The following FGGY variants were observed in gnomAD, a reference collection of about 807,000 sequenced individuals.
The protein encoded by FGGY is FGGY carbohydrate kinase domain containing, also known as FGGY carbohydrate kinase domain-containing protein.
FGGY carries 72 observed loss-of-function variants against 71.3 expected under a neutral mutation model. The observed-to-expected ratio is 1.01, with a 90% CI of 0.84 to 1.23. FGGY has a LOEUF of 1.23. FGGY is among the 50% of genes most tolerant of loss of function. FGGY has a pLI of 0.00. For missense variants in FGGY, 668 were observed against 682.3 expected, an observed-to-expected ratio of 0.98 and a Z score of 0.23; for synonymous variants, 251 against 250.3, an observed-to-expected ratio of 1.00 and a Z score of -0.02.
intron 14 of FGGY, among the ~76,000 whole-genome samples, chr1:59,722,087 C>A (rs1465538129): frequency 6.6e-6 from 1 of 152,152 alleles, no homozygotes; most frequent in African/African-American, 2.4e-5. Context: ...TTAAGCTTTT[C>A]TGGCTTTTGA....
intron 14 of FGGY, among the ~76,000 whole-genome samples, chr1:59,698,048 C>T (rs2097677266): frequency 6.6e-6 from 1 of 151,960 alleles, no homozygotes; most frequent in Non-Finnish European, 1.5e-5. Flanking sequence ...GAGATGCTTT[C>T]TGTATTTTTT....
intron 14 of FGGY, among the ~76,000 whole-genome samples, chr1:59,757,155 C>T (rs2098298771): frequency 6.6e-6 from 1 of 152,160 alleles, no homozygotes; most frequent in African/African-American, 2.4e-5. Flanking sequence ...GCAATCTTCC[C>T]TGGCCAGGTC....
At chr1:59,669,532 C>A (rs1210739786) in intron 13 of FGGY, among the ~76,000 whole-genome samples, 3 of 132,366 alleles carry the variant, frequency 2.3e-5, no homozygotes, top group Admixed American at 7.7e-5. Context: ...ATTCCAATTT[C>A]TAGACTTCTT....
At position 59,583,352 on chromosome 1, in the gene FGGY, C is replaced by A. The variant is rs144429743; in HGVS notation, c.904-24451C>A. Among the ~76,000 whole-genome samples the A allele has an allele frequency of 2.8e-5, 4 of 142,868 alleles. 1 individual carries two copies. Among genetic ancestry groups the A allele is most frequent in the Non-Finnish European group, 6.0e-5 (4 of 66,428 alleles). The allele number at this position is 142,868 out of a possible 152,430, so 93.7% of individuals were successfully genotyped here. The stretch of plus-strand genomic sequence containing the variant: ...ACATTCCTTGTCAATATTATGTCAG[C>A]GGAAAACTTGCTAGCCTTAGAAATA... On this transcript the variant is annotated intron_variant, in intron 8 of 15. Transcript: ENST00000303721.
chr1:59,574,102 C>A (rs1292007460), intron 8 of FGGY, among the ~76,000 whole-genome samples: 1 of 152,212 alleles, frequency 6.6e-6, no homozygotes, highest in African/African-American at 2.4e-5. Flanking sequence ...TGGCTTAAAA[C>A]AACACACATA....
intron 11 of FGGY, among the ~76,000 whole-genome samples, chr1:59,649,846 C>T (rs1198733455): frequency 2.8e-5 from 4 of 140,582 alleles, no homozygotes; most frequent in Non-Finnish European, 6.0e-5. Context: ...AAAGGGAATG[C>T]TTCCAGTTTT....
intron 4 of FGGY, among the ~76,000 whole-genome samples, chr1:59,347,307 T>C (rs1422638257): frequency 1.4e-5 from 2 of 143,388 alleles, no homozygotes; most frequent in Non-Finnish European, 3.0e-5. Flanking sequence ...CCATGTGTTC[T>C]CATTGTTCTA....
intron 5 of FGGY, among the ~76,000 whole-genome samples, chr1:59,452,730 C>T (rs558626895): frequency 3.6e-4 from 55 of 152,332 alleles, no homozygotes; most frequent in Non-Finnish European, 7.1e-4. Flanking sequence ...GGCAGTCACC[C>T]AACCGGCCAA....
chr1:59,736,575 G>A lies in FGGY; in HGVS notation c.1513-21356G>A, dbSNP rs774585330. Among the ~76,000 whole-genome samples, 74 of 152,120 alleles carry A rather than the reference G, an allele frequency of 4.9e-4. 2 individuals are homozygous for A. Among genetic ancestry groups the A allele is most frequent in the Non-Finnish European group, 7.3e-5 (5 of 68,042 alleles). ...GTTACGTTTCAGCAAAGAGACTAGC[G>A]GCATTTTGCCCAAGCCCTAGATATT... On this transcript the variant is annotated intron_variant, in intron 14 of 15. Transcript: ENST00000303721.
chr1:59,406,389 C>T (rs565869846), intron 5 of FGGY, among the ~76,000 whole-genome samples: 35 of 152,016 alleles, frequency 2.3e-4, no homozygotes, highest in African/African-American at 6.5e-4. Context: ...TTTTTGTTGG[C>T]GATTTCACCA....
chr1:59,463,317 A>G (rs550394094), intron 6 of FGGY, among the ~76,000 whole-genome samples: 82 of 152,178 alleles, frequency 5.4e-4, no homozygotes, highest in Non-Finnish European at 1.0e-3. Context: ...ATGCTGAGAG[A>G]TTTTGTCACC....
chr1:59,758,535 G>A (rs1445788643), intron 15 of FGGY, among the ~76,000 whole-genome samples: 2 of 152,210 alleles, frequency 1.3e-5, no homozygotes, highest in African/African-American at 4.8e-5. Flanking sequence ...CACAATTGAA[G>A]TATTGCCAGG....
intron 7 of FGGY, among the ~76,000 whole-genome samples, chr1:59,519,710 C>T (rs1250378968): frequency 6.6e-6 from 1 of 152,170 alleles, no homozygotes; most frequent in Non-Finnish European, 1.5e-5. Flanking sequence ...GTGCCAAGTA[C>T]TCTACCTGAT....
intron 8 of FGGY, among the ~76,000 whole-genome samples, chr1:59,558,126 T>G (rs2095720962): frequency 6.6e-6 from 1 of 152,208 alleles, no homozygotes; most frequent in African/African-American, 2.4e-5. Flanking sequence ...TGAGTGATAG[T>G]ATTTACCCAT....
intron 6 of FGGY, among the ~76,000 whole-genome samples, chr1:59,475,752 T>C (rs1054152696): frequency 1.3e-5 from 2 of 152,252 alleles, no homozygotes; most frequent in Non-Finnish European, 2.9e-5. Context: ...AGTATCGTAG[T>C]TCAAAGTAGT....
chr1:59,373,165 T>C (rs2058010773), intron 4 of FGGY, among the ~76,000 whole-genome samples: 1 of 152,154 alleles, frequency 6.6e-6, no homozygotes, highest in Non-Finnish European at 1.5e-5. Context: ...AAAACCCCAT[T>C]GTCTCAGCCC....
At chr1:59,449,191 T>C (rs905655394) in intron 5 of FGGY, among the ~76,000 whole-genome samples, 5 of 152,252 alleles carry the variant, frequency 3.3e-5, no homozygotes, top group Admixed American at 3.3e-4. Flanking sequence ...ATATGTAATG[T>C]ACCTGTTTAT....
intron 7 of FGGY, among the ~76,000 whole-genome samples, chr1:59,553,674 G>C (rs539052856): frequency 6.6e-6 from 1 of 152,274 alleles, no homozygotes; most frequent in African/African-American, 2.4e-5. Context: ...GATTCCATTT[G>C]GCTCCGCTCC....
intron 5 of FGGY, among the ~76,000 whole-genome samples, chr1:59,404,359 C>T (rs926269149): frequency 1.3e-5 from 2 of 151,618 alleles, no homozygotes; most frequent in Non-Finnish European, 2.9e-5. Flanking sequence ...TATCCCGGAA[C>T]TTAAGAAAAA....
Sources: allele counts gnomAD v4.1 joint callset (sites outside exome capture counted in the v4.1 genomes callset), GRCh38; gene constraint gnomAD v4.1.1; transcripts MANE v1.5; gene names NCBI Gene and HGNC (gene_info 2026-07-23, HGNC 2026-07-21).